ANTXRL: variants seen among roughly 807,000 people sequenced by gnomAD.
The protein encoded by ANTXRL is ANTXR like, also known as anthrax toxin receptor-like.
ANTXRL carries 63 observed loss-of-function variants against 75.4 expected under a neutral mutation model. The observed-to-expected ratio is 0.84, with a 90% CI of 0.68 to 1.03. The LOEUF (loss-of-function observed/expected upper bound fraction) is 1.03. ANTXRL is among the 50% of genes least tolerant of loss of function. ANTXRL has a pLI of 0.00. For missense variants in ANTXRL, 797 were observed against 789.4 expected (o/e 1.01, Z -0.12); for synonymous variants, 335 against 291.3 (o/e 1.15, Z -1.53).
In ANTXRL at chr10:46,291,330, A is replaced by G. The variant is rs142655431; in HGVS notation, c.249-728A>G. ...AGTGCCATAATAGTTTGATTACTGT[A>G]GCTTTGTAATAAATTCTGAAATCAG... On this transcript the variant is annotated intron_variant, in intron 1 of 16. Coordinates refer to ENST00000620264, the MANE Select transcript of ANTXRL (RefSeq NM_001278688.3). 1.8e-3 allele frequency among the ~76,000 whole-genome samples: 272 copies of G among 152,060 alleles called. 1 individual carries two copies. Among genetic ancestry groups the G allele is most frequent in the African/African-American group, 6.4e-3 (265 of 41,480 alleles).
chr10:46,319,911 A>G (rs557756442), intron 16 of ANTXRL, among the ~76,000 whole-genome samples: 31 of 152,296 alleles, frequency 2.0e-4, no homozygotes, highest in African/African-American at 7.0e-4. Context: ...ATCAGAGGAG[A>G]GATAGGTGTA....
intron 10 of ANTXRL, among the ~76,000 whole-genome samples, chr10:46,303,230 G>T (rs1277870715): frequency 6.6e-6 from 1 of 152,188 alleles, no homozygotes; most frequent in East Asian, 1.9e-4. Flanking sequence ...TGCACCAGTA[G>T]CTTGCCCAGA....
chr10:46,291,339 A>G (rs1245421811), intron 1 of ANTXRL, among the ~76,000 whole-genome samples: 1 of 152,066 alleles, frequency 6.6e-6, no homozygotes, highest in Non-Finnish European at 1.5e-5. Context: ...TAGCTTTGTA[A>G]TAAATTCTGA....
At position 46,309,137 on chromosome 10, in the gene ANTXRL, TTTGTGCCACTCCTGCTGC is replaced by T. The variant is rs200759135; in HGVS notation, c.1080_1097del (p.Leu363_Leu368del). ...GGGCATTTTCCGCAACTGGCTCTAT[TTTGTGCCACTCCTGCTGC>T]TTGTGCCACTGCTGCTGTGTTGTGT... On this transcript the variant is annotated inframe_deletion, in exon 13 of 17. Transcript: ENST00000620264. The T allele has an allele frequency of 2.1e-5, 32 of 1,535,598 alleles. No homozygotes were observed. The highest frequency in any genetic ancestry group is 2.7e-5 in the Non-Finnish European group (31 of 1,146,720).
chr10:46,329,483 C>T (rs1433503979), intron 16 of ANTXRL, 116 bp from the exon 17 acceptor site: 3 of 1,351,036 alleles, frequency 2.2e-6, no homozygotes, highest in Admixed American at 2.6e-5. Flanking sequence ...CAGCAAGGCC[C>T]ACCCTGTGGG....
chr10:46,306,676 A>G, intron 10 of ANTXRL, 127 bp from the exon 11 acceptor site: 2 of 742,678 alleles, frequency 2.7e-6, no homozygotes, highest in Non-Finnish European at 2.1e-6. Context: ...GGTCTGTGCA[A>G]TAGGAAGGCA....
rs544519153 is a variant in ANTXRL at position 46,293,921 on chromosome 10, C to T, written c.392+21C>T. 24 of 1,534,528 alleles carry T rather than the reference C, an allele frequency of 1.6e-5. No individual in the cohort carries two copies. In the Middle Eastern group the frequency reaches 5.0e-4, roughly 32 times the overall value. On this transcript the variant is annotated intron_variant, in intron 3 of 16. Coordinates refer to ENST00000620264, the MANE Select transcript of ANTXRL (RefSeq NM_001278688.3). ...GACAAGTGAGTGCTGCTTTGAGCCC[C>T]AAAGGGAGGCCTGATGAGCTTGGCC...
Position 46,307,481 on chromosome 10 carries a change from G to A in ANTXRL, c.1044+1G>A. ...TGTCAGCATCACCAGCACCACATGT[G>A]TGAGTACCAGCATGGGGCTGCAAAC... On this transcript the variant is annotated splice_donor_variant, in intron 12 of 16. Transcript: ENST00000620264. LOFTEE classifies it high-confidence loss of function. 3 of 1,535,726 alleles carry A rather than the reference G, an allele frequency of 2.0e-6. No individual in the cohort carries two copies. Among genetic ancestry groups the A allele is most frequent in the Non-Finnish European group, 2.6e-6 (3 of 1,146,284 alleles).
At chr10:46,317,003 C>T (rs1236472112) in intron 16 of ANTXRL, among the ~76,000 whole-genome samples, 1 of 152,148 alleles carries the variant, frequency 6.6e-6, no homozygotes, top group Non-Finnish European at 1.5e-5. Context: ...GGGTTAGTTC[C>T]CACCTTGCAC....
chr10:46,286,248 C>T (rs1336302813), upstream of ANTXRL: 1 of 152,152 alleles, frequency 6.6e-6, no homozygotes, highest in African/African-American at 2.4e-5. Context: ...AAGGTGATGT[C>T]ATAAAAAGCT....
chr10:46,314,279 G>C (rs782693414), intron 16 of ANTXRL, among the ~76,000 whole-genome samples: 1 of 152,090 alleles, frequency 6.6e-6, no homozygotes, highest in Non-Finnish European at 1.5e-5. Context: ...TCCTCCAGCC[G>C]CTGGGCTCCT....
At chr10:46,293,699 C>G (rs1407596359) in intron 2 of ANTXRL, 130 bp from the exon 3 acceptor site, 2 of 749,828 alleles carry the variant, frequency 2.7e-6, no homozygotes, top group Admixed American at 2.4e-5. Flanking sequence ...CTACATTTAT[C>G]TCACCTCCTT....
intron 14 of ANTXRL, among the ~76,000 whole-genome samples, chr10:46,311,139 G>C (rs1204307244): frequency 6.6e-6 from 1 of 152,122 alleles, no homozygotes; most frequent in African/African-American, 2.4e-5. Context: ...GGGATGGGGT[G>C]GGAACAGGCA....
At chr10:46,286,178 T>C (rs554111208), upstream of ANTXRL, among the ~76,000 whole-genome samples, 9 of 152,272 alleles carry the variant, frequency 5.9e-5, no homozygotes, top group South Asian at 1.9e-3. Flanking sequence ...CCATTGACTC[T>C]TGGCAGCTGT....
At chr10:46,290,641 G>T (rs782252091) in intron 1 of ANTXRL, among the ~76,000 whole-genome samples, 3 of 152,166 alleles carry the variant, frequency 2.0e-5, no homozygotes, top group Non-Finnish European at 4.4e-5. Context: ...GTGTGAAGTT[G>T]TATCTCCTTG....
At chr10:46,289,760 T>C (rs1227706253) in intron 1 of ANTXRL, among the ~76,000 whole-genome samples, 1 of 151,940 alleles carries the variant, frequency 6.6e-6, no homozygotes, top group African/African-American at 2.4e-5. Context: ...CCAAAAAACT[T>C]CTATTTCCAT....
Position 46,329,941 on chromosome 10 carries a change from C to G in ANTXRL, c.1753C>G (p.Pro585Ala), listed in dbSNP as rs1554967323. ...CCTTCAACCCAGCCGGGAGTGCCTC[C>G]CCCTCACCTGCTCCTCCAGGTGCCG... ...SCLQPSRECLPLTCSSRCRLP... is the reference protein window; with the variant it reads ...SCLQPSRECLALTCSSRCRLP... The change falls in exon 17 of 17, where the codon CCC (proline) becomes GCC (alanine). Residue 585 changes from proline to alanine, a missense_variant. Around this residue, in one of 3 missense-constraint regions of ANTXRL, gnomAD observed 479 missense variants for 422.0 expected, o/e 1.14. Transcript: ENST00000620264. The G allele has an allele frequency of 6.5e-7, 1 of 1,535,668 alleles. No individual in the cohort carries two copies. The highest frequency in any genetic ancestry group is 1.2e-5 in the South Asian group (1 of 84,038).
rs536100770 is a variant in ANTXRL, at chr10:46,295,599, A to G, written c.393-420A>G. Among the ~76,000 whole-genome samples, 2 of 56,526 alleles carry G rather than the reference A, an allele frequency of 3.5e-5. 1 individual carries two copies. Among genetic ancestry groups the G allele is most frequent in the South Asian group, 1.2e-3 (2 of 1,716 alleles). 37.1% of individuals were successfully genotyped at this position (56,526 alleles called of 152,430 possible). A position where few individuals can be genotyped will look rare whatever the true frequency, so the allele number is the denominator to read the frequency against. Reference sequence around the variant, plus strand: ...TAGGGTTTGGGTTAGAGTTAGAGTTAGAGTTAGAGTTAGAGTTAGAGTTAG... The same window carrying G: ...TAGGGTTTGGGTTAGAGTTAGAGTTGGAGTTAGAGTTAGAGTTAGAGTTAG... On this transcript the variant is annotated intron_variant, in intron 3 of 16. Transcript: ENST00000620264.
chr10:46,306,035 G>T (rs1554961793), intron 10 of ANTXRL, among the ~76,000 whole-genome samples: 1 of 151,978 alleles, frequency 6.6e-6, no homozygotes, highest in East Asian at 1.9e-4. Context: ...CCCTTTCCAG[G>T]GCCCACAAGG....
Sources: gnomAD v4.1 joint callset for allele counts (sites outside exome capture counted in the v4.1 genomes callset) on GRCh38, gnomAD v4.1.1 for gene constraint, gnomAD v4.1.1 regional missense constraint, MANE v1.5 for transcripts, NCBI Gene and HGNC (gene_info 2026-07-23, HGNC 2026-07-21) for gene names.